Variants in NOTCH1 observed in about 807,000 individuals in gnomAD.
NOTCH1 encodes neurogenic locus notch homolog protein 1.
A neutral mutation model predicts 254.8 loss-of-function variants in NOTCH1; 37 were observed. The ratio of observed to expected loss-of-function variants is 0.15; its 90% CI spans 0.11 to 0.19. NOTCH1 has a LOEUF of 0.19. Ranked by LOEUF, NOTCH1 falls within the 10% of genes least tolerant of loss-of-function variation. The probability of loss-of-function intolerance (pLI) is 1.00; values close to 1 mark genes in which losing one functional copy is unlikely to be tolerated. For missense variants in NOTCH1, 2,972 were observed against 3,708.6 expected (o/e 0.80, Z 5.16); for synonymous variants, 1,731 against 1,618.1 (o/e 1.07, Z -1.68).
intron 2 of NOTCH1, among the ~76,000 whole-genome samples, chr9:136,527,259 G>A (rs988774754): frequency 7.9e-5 from 12 of 152,342 alleles, no homozygotes; most frequent in Admixed American, 2.6e-4. Context: ...TCCCTGAGAA[G>A]GTGGGAGGGA....
chr9:136,544,139 C>G, intron 1 of NOTCH1, 37 bp from the exon 2 acceptor site: 3 of 1,533,770 alleles, frequency 2.0e-6, no homozygotes, highest in Middle Eastern at 2.3e-4. Context: ...CAGTCTCACC[C>G]GCACCACCAC....
chr9:136,513,019 A>G lies in NOTCH1; in HGVS notation c.2467+2T>C. ...CCAGCACAGGCCCCACCCACCCCTC[A>G]CCTGTGTAGGGCAGCAGGCAGTTGC... On this transcript the variant is annotated splice_donor_variant, in intron 15 of 33. Coordinates refer to ENST00000651671, the MANE Select transcript of NOTCH1 (RefSeq NM_017617.5). LOFTEE classifies it high-confidence loss of function. This position sits in a 1 kb window ranked among gnomAD's most constrained non-coding sequence, Gnocchi z 4.7. 1 of 1,030,394 alleles carries G rather than the reference A, an allele frequency of 9.7e-7. No homozygotes were observed. Among genetic ancestry groups the G allele is most frequent in the Non-Finnish European group, 1.2e-6 (1 of 815,020 alleles). 63.8% of individuals were successfully genotyped at this position (1,030,394 alleles called of 1,614,324 possible).
rs769619561 is a variant in NOTCH1, at chr9:136,507,378, G to T, written c.3570C>A (p.His1190Gln). 1.2e-5 allele frequency: 20 copies of T among 1,612,470 alleles called. No individual in the cohort carries two copies. The highest frequency in any genetic ancestry group is 2.7e-5 in the African/African-American group (2 of 74,934). ...GGCAGGTGCCCCCGTTCTGGCAGGG[G>T]TGGGAGAGGCACTCGTCGATCTCCT... is the stretch of plus-strand genomic sequence containing the variant. ...CSEEIDECLS[H>Q]PCQNGGTCLD... The change falls in exon 22 of 34, where the codon CAC becomes CAA. Residue 1190 changes from histidine to glutamine, a missense_variant. By Grantham distance (24) the His-to-Gln change is conservative. Around this residue, in one of 8 missense-constraint regions of NOTCH1, gnomAD observed 1,343 missense variants for 1,557.0 expected, o/e 0.86. Coordinates refer to ENST00000651671, the MANE Select transcript of NOTCH1 (RefSeq NM_017617.5).
At chr9:136,543,568 C>G in intron 2 of NOTCH1, 1 of 339,466 alleles carries the variant, frequency 2.9e-6, no homozygotes, top group Non-Finnish European at 5.7e-6. Context: ...GCCCAAGAGG[C>G]ATCACCACCC....
At chr9:136,524,084 C>G in intron 2 of NOTCH1, 105 bp from the exon 3 acceptor site, 1 of 1,432,030 alleles carries the variant, frequency 7.0e-7, no homozygotes, top group Non-Finnish European at 9.5e-7. Context: ...CCCCCCACAC[C>G]CCGGGCACGG....
intron 2 of NOTCH1, among the ~76,000 whole-genome samples, chr9:136,538,373 G>A (rs1328753517): frequency 6.6e-6 from 1 of 152,124 alleles, no homozygotes; most frequent in Non-Finnish European, 1.5e-5. Context: ...CCCGCCCCAG[G>A]GTCCCGCTGG....
At chr9:136,533,558 G>C (rs148214066) in intron 2 of NOTCH1, among the ~76,000 whole-genome samples, 1 of 152,160 alleles carries the variant, frequency 6.6e-6, no homozygotes, top group Non-Finnish European at 1.5e-5. Flanking sequence ...CCCACTCGAC[G>C]GCCCGGCAAG....
Position 136,515,373 on chromosome 9 carries a change from T to A in NOTCH1, c.1931A>T (p.Asp644Val), listed in dbSNP as rs1304507768. 6.2e-7 allele frequency: 1 copy of A among 1,612,982 alleles called. No individual in the cohort carries two copies. ...TGPNCEINLD[D>V]CASSPCDSGT... The stretch of plus-strand genomic sequence containing the variant: ...CGAGTCGCAGGGGCTGCTGGCACAG[T>A]CATCCAGGTTGATCTCGCAGTTGGG... The change falls in exon 12 of 34, where the codon GAC becomes GTC. Residue 644 changes from aspartate (D) to valine (V), a missense_variant. Physicochemically the swap from Asp to Val is radical, Grantham distance 152. Transcript: ENST00000651671.
chr9:136,502,638 C>T (rs1843017155), intron 27 of NOTCH1, 150 bp from the exon 28 acceptor site: 1 of 578,820 alleles, frequency 1.7e-6, no homozygotes, highest in Non-Finnish European at 3.0e-6. Context: ...AGGTCATTTT[C>T]TACGCGATTA....
intron 31 of NOTCH1, 68 bp downstream of exon 31, chr9:136,500,484 G>A (rs1253696424): frequency 6.3e-7 from 1 of 1,583,928 alleles, no homozygotes; most frequent in Non-Finnish European, 8.6e-7. Flanking sequence ...ACGTAAGCCT[G>A]GCCACTGCCC....
chr9:136,502,807 A>G (rs1169764178), intron 27 of NOTCH1: 2 of 563,436 alleles, frequency 3.5e-6, no homozygotes, highest in Admixed American at 6.0e-5. Context: ...AGGGATTTTC[A>G]AGATACAAAC....
rs368996332 is a variant in NOTCH1, at chr9:136,515,326, C to T, written c.1978G>A (p.Asp660Asn). The T allele has an allele frequency of 1.5e-5, 24 of 1,612,910 alleles. 1 individual carries two copies. Among genetic ancestry groups the T allele is most frequent in the African/African-American group, 6.7e-5 (5 of 74,948 alleles). Residue 660 changes from aspartate to asparagine, a missense_variant, in exon 12 of 34, where the codon GAT becomes AAT. By Grantham distance (23) the Asp-to-Asn change is conservative. Around this residue, in one of 8 missense-constraint regions of NOTCH1, gnomAD observed 1,343 missense variants for 1,557.0 expected, o/e 0.86. Coordinates refer to ENST00000651671, the MANE Select transcript of NOTCH1 (RefSeq NM_017617.5). ...GGCTCACAGGCACACTCGTAGCCATCGATCTTGTCCAGACAGGTGCCCGAG... is the reference window on the plus strand; with the variant it reads ...GGCTCACAGGCACACTCGTAGCCATTGATCTTGTCCAGACAGGTGCCCGAG... Reference protein sequence around the residue: ...CDSGTCLDKIDGYECACEPGY... With the variant: ...CDSGTCLDKINGYECACEPGY...
chr9:136,504,761 GGGCGTCAGGTGCGGCCCAGCCCTCGGC>G lies in NOTCH1; in HGVS notation c.4903_4929del (p.Ala1635_Ala1643del). On this transcript the variant is annotated inframe_deletion, in exon 26 of 34. Transcript: ENST00000651671. ...AGCGAGGCCTTCACCTGGCCCAGCA[GGGCGTCAGGTGCGGCCCAGCCCTCGGC>G]GGCACGCTTGATGGGGTGCTTGCGC... is the stretch of plus-strand genomic sequence containing the variant. 6.5e-7 allele frequency: 1 copy of G among 1,549,554 alleles called. No homozygotes were observed. The highest frequency in any genetic ancestry group is 8.7e-7 in the Non-Finnish European group (1 of 1,146,940).
intron 17 of NOTCH1, 115 bp from the exon 18 acceptor site, chr9:136,510,076 G>A (rs921933333): frequency 3.6e-5 from 35 of 970,576 alleles, no homozygotes; most frequent in Non-Finnish European, 4.8e-5. Context: ...CCGAGGCTGC[G>A]GCAAGCAGCC....
At chr9:136,531,819 C>A (rs758092643) in intron 2 of NOTCH1, among the ~76,000 whole-genome samples, 3 of 152,246 alleles carry the variant, frequency 2.0e-5, no homozygotes, top group Non-Finnish European at 4.4e-5. Flanking sequence ...CCTCCCGATT[C>A]GGCCGCAGAT....
chr9:136,541,781 G>A (rs571802072), intron 2 of NOTCH1, among the ~76,000 whole-genome samples: 10 of 152,248 alleles, frequency 6.6e-5, no homozygotes, highest in Non-Finnish European at 1.3e-4. Flanking sequence ...AGCCGGGCTC[G>A]GCTGTGGCCC....
At chr9:136,530,986 G>T (rs976835651) in intron 2 of NOTCH1, among the ~76,000 whole-genome samples, 1 of 152,250 alleles carries the variant, frequency 6.6e-6, no homozygotes, top group South Asian at 2.1e-4. Context: ...AGATCCTGTC[G>T]CTGGGGGTGG....
chr9:136,513,931 C>T lies in NOTCH1; in HGVS notation c.2208-394G>A, dbSNP rs541928747. ...GCAGTGAGCTGAGATCATGCCATTG[C>T]ACTCCAGCCTGGACAACAGAGCAAG... On this transcript the variant is annotated intron_variant, in intron 13 of 33. Coordinates refer to ENST00000651671, the MANE Select transcript of NOTCH1 (RefSeq NM_017617.5). The surrounding 1 kb of genome is among the most constrained non-coding windows in gnomAD (Gnocchi z 4.7). Among the ~76,000 whole-genome samples, 4 of 152,174 alleles carry T rather than the reference C, an allele frequency of 2.6e-5. No homozygotes were observed. Among genetic ancestry groups the T allele is most frequent in the Non-Finnish European group, 5.9e-5 (4 of 68,024 alleles).
Position 136,533,724 on chromosome 9 carries a change from G to A in NOTCH1, c.141-9745C>T, listed in dbSNP as rs141228906. Among the ~76,000 whole-genome samples, 516 of 152,374 alleles carry A rather than the reference G, an allele frequency of 3.4e-3. 5 individuals carry two copies. The highest frequency in any genetic ancestry group is 0.012 in the African/African-American group (488 of 41,594). On this transcript the variant is annotated intron_variant, in intron 2 of 33. Transcript: ENST00000651671. ...GCACCTCCTCAGGGCCTCAGCCCCC[G>A]GGCAGGCTCGGTGACCATGGGCCTA... is the stretch of plus-strand genomic sequence containing the variant.
Sources: gnomAD v4.1 joint callset for allele counts (sites outside exome capture counted in the v4.1 genomes callset) on GRCh38, gnomAD v4.1.1 for gene constraint, gnomAD v4.1.1 regional missense constraint, Gnocchi (gnomAD v3.1) non-coding constraint, MANE v1.5 for transcripts, NCBI Gene and HGNC (gene_info 2026-07-23, HGNC 2026-07-21) for gene names.